The following USP43 variants were observed in gnomAD, a reference collection of about 807,000 sequenced individuals.
USP43 encodes ubiquitin specific peptidase 43.
USP43 carries 33 observed loss-of-function variants against 90.7 expected under a neutral mutation model. That is an observed-to-expected ratio of 0.36 (90% CI 0.28 to 0.49). USP43 has a LOEUF of 0.49. USP43 is among the 20% of genes least tolerant of loss of function. The pLI is 0.98. For missense variants in USP43, 1,274 were observed against 1,476.4 expected (o/e 0.86, Z 2.25); for synonymous variants, 598 against 615.8 (o/e 0.97, Z 0.43).
intron 3 of USP43, chr17:9,669,608 G>A (rs1913264144): frequency 1.3e-5 from 2 of 152,248 alleles, no homozygotes; most frequent in Admixed American, 6.5e-5. Flanking sequence ...TAATGTACAA[G>A]TAAACAACAA....
rs767511913 is a variant in USP43, at chr17:9,674,643, G to A, written c.741-248G>A. The stretch of plus-strand genomic sequence containing the variant: ...CTGAGTTGTACTCTACTATGTGGAC[G>A]TATCATATTCTGTTTACCCATTTGT... On this transcript the variant is annotated intron_variant, in intron 3 of 14. Transcript: ENST00000285199. This position sits in a 1 kb window ranked among gnomAD's most constrained non-coding sequence, Gnocchi z 4.4. Among the ~76,000 whole-genome samples, 1 of 152,186 alleles carries A rather than the reference G, an allele frequency of 6.6e-6. No homozygotes were observed. Among genetic ancestry groups the A allele is most frequent in the Admixed American group, 6.5e-5 (1 of 15,274 alleles).
At position 9,728,795 on chromosome 17, in the gene USP43, C is replaced by T. The variant is rs756116704; in HGVS notation, c.3177C>T (p.Leu1059=). The part of the protein sequence containing the change: ...EGLARGLGSR[L]ERDVWSAPSS... The stretch of plus-strand genomic sequence containing the variant: ...TGGCCAGGGGCCTGGGCAGCCGGCT[C>T]GAGAGGGATGTCTGGTCAGCCCCCA... Residue 1059 remains leucine (L), a synonymous_variant, in exon 15 of 15, where the codon CTC becomes CTT. Coordinates refer to ENST00000285199, the MANE Select transcript of USP43 (RefSeq NM_153210.5). The surrounding 1 kb of genome is among the most constrained non-coding windows in gnomAD (Gnocchi z 6.2). 79 of 1,611,040 alleles carry T rather than the reference C, an allele frequency of 4.9e-5. No individual in the cohort carries two copies. In the South Asian group the frequency reaches 6.1e-4, roughly 12 times the overall value.
intron 13 of USP43, among the ~76,000 whole-genome samples, chr17:9,710,666 C>A (rs1388156259): frequency 6.6e-6 from 1 of 151,924 alleles, no homozygotes; most frequent in Admixed American, 6.6e-5. Context: ...CACCACCATG[C>A]CCAGCTAATT....
At chr17:9,680,655 GC>G (rs1914105553) in intron 6 of USP43, among the ~76,000 whole-genome samples, 1 of 152,064 alleles carries the variant, frequency 6.6e-6, no homozygotes. Flanking sequence ...CTGGGGTGGG[GC>G]CTAAGAGTTT....
At chr17:9,677,345 G>C (rs953927086) in intron 5 of USP43, among the ~76,000 whole-genome samples, 2 of 152,172 alleles carry the variant, frequency 1.3e-5, no homozygotes, top group African/African-American at 4.8e-5. Flanking sequence ...GGATTTCGAT[G>C]GTTTGACTTC....
chr17:9,728,035 A>C lies in USP43; in HGVS notation c.2417A>C (p.Lys806Thr), dbSNP rs1917363656. 6.2e-7 allele frequency: 1 copy of C among 1,613,748 alleles called. No individual in the cohort carries two copies. The change falls in exon 15 of 15, where the codon AAG becomes ACG. Residue 806 changes from lysine (K) to threonine (T), a missense_variant. Around this residue, in one of 6 missense-constraint regions of USP43, gnomAD observed 285 missense variants for 349.6 expected, o/e 0.82. Coordinates refer to ENST00000285199, the MANE Select transcript of USP43 (RefSeq NM_153210.5). This position sits in a 1 kb window ranked among gnomAD's most constrained non-coding sequence, Gnocchi z 6.2. ...AAGGCACCCACCACTTCCCGAGCCAAGCAGGGACCATTCAAGACCATGCCT... is the reference window on the plus strand; with the variant it reads ...AAGGCACCCACCACTTCCCGAGCCACGCAGGGACCATTCAAGACCATGCCT... ...SMKAPTTSRA[K>T]QGPFKTMPLR...
intron 3 of USP43, among the ~76,000 whole-genome samples, chr17:9,673,833 C>T (rs748521049): frequency 9.2e-5 from 14 of 152,140 alleles, no homozygotes; most frequent in African/African-American, 1.7e-4. Context: ...GCTAAGTGCT[C>T]AGAATTATGC....
At chr17:9,677,146 C>T (rs1220318896) in intron 5 of USP43, among the ~76,000 whole-genome samples, 4 of 152,186 alleles carry the variant, frequency 2.6e-5, no homozygotes, top group Non-Finnish European at 5.9e-5. Flanking sequence ...AATAGCTACC[C>T]CTAGGTAGTG....
chr17:9,656,268 AC>A, intron 1 of USP43, 134 bp from the exon 2 acceptor site: 1 of 1,196,016 alleles, frequency 8.4e-7, no homozygotes, highest in Non-Finnish European at 1.2e-6. Flanking sequence ...GAACATTTCT[AC>A]CCCGGCTGTT....
intron 5 of USP43, among the ~76,000 whole-genome samples, 162 bp downstream of exon 5, chr17:9,677,043 T>A (rs1467813715): frequency 6.6e-6 from 1 of 152,182 alleles, no homozygotes; most frequent in Non-Finnish European, 1.5e-5. Context: ...TGACTGGGCC[T>A]TGACTTTTCC....
intron 2 of USP43, among the ~76,000 whole-genome samples, chr17:9,664,168 T>C (rs1912843976): frequency 6.6e-6 from 1 of 152,218 alleles, no homozygotes; most frequent in South Asian, 2.1e-4. Flanking sequence ...TTCAAACATA[T>C]GGAAAAGTTG....
Position 9,701,078 on chromosome 17 carries a change from G to A in USP43, c.1536-41G>A. On this transcript the variant is annotated intron_variant, in intron 10 of 14. Transcript: ENST00000285199. This position sits in a 1 kb window ranked among gnomAD's most constrained non-coding sequence, Gnocchi z 7.2. ...AGACATAGACGAAACCTGTCTGGGA[G>A]CAGGAAAGTCCTGAACGCCGTGGGT... The A allele has an allele frequency of 6.9e-7, 1 of 1,440,840 alleles. No individual in the cohort carries two copies. The highest frequency in any genetic ancestry group is 2.5e-5 in the East Asian group (1 of 39,620). The allele number at this position is 1,440,840 out of a possible 1,614,324, so 89.3% of individuals were successfully genotyped here.
chr17:9,729,153 C>A lies in USP43; in HGVS notation c.*163C>A. The A allele has an allele frequency of 1.8e-6, 1 of 562,704 alleles. No individual in the cohort carries two copies. The highest frequency in any genetic ancestry group is 2.8e-6 in the Non-Finnish European group (1 of 358,292). 34.9% of individuals were successfully genotyped at this position (562,704 alleles called of 1,614,324 possible). Reference sequence around the variant, plus strand: ...TGGGGGGTCTCCATATCTAGACTTCCAACACCCAAGGTCCATATAACCCAA... The same window carrying A: ...TGGGGGGTCTCCATATCTAGACTTCAAACACCCAAGGTCCATATAACCCAA... On this transcript the variant is annotated 3_prime_UTR_variant, in exon 15 of 15. Coordinates refer to ENST00000285199, the MANE Select transcript of USP43 (RefSeq NM_153210.5).
chr17:9,703,072 A>G (rs1032101796), intron 12 of USP43, among the ~76,000 whole-genome samples: 1 of 152,134 alleles, frequency 6.6e-6, no homozygotes, highest in Non-Finnish European at 1.5e-5. Flanking sequence ...TGCTGGGACC[A>G]TTCTGTCCAG....
At chr17:9,648,597 C>T (rs188381902) in intron 1 of USP43, among the ~76,000 whole-genome samples, 90 of 152,232 alleles carry the variant, frequency 5.9e-4, no homozygotes, top group Non-Finnish European at 1.0e-3. Flanking sequence ...GAAAGCTTCC[C>T]TGGAGAGGTA....
chr17:9,693,407 T>C (rs554831343), intron 9 of USP43, among the ~76,000 whole-genome samples, 177 bp downstream of exon 9: 128 of 140,764 alleles, frequency 9.1e-4, no homozygotes, highest in Middle Eastern at 3.6e-3. Context: ...TGAACCCGTA[T>C]GTCTGGAGAG....
chr17:9,664,543 A>G (rs940692978), intron 2 of USP43, among the ~76,000 whole-genome samples: 6 of 152,164 alleles, frequency 3.9e-5, no homozygotes, highest in Admixed American at 2.6e-4. Context: ...AAATGTTAGG[A>G]AAAATTGTCT....
intron 6 of USP43, among the ~76,000 whole-genome samples, chr17:9,682,185 A>G (rs1054478035): frequency 1.3e-5 from 2 of 152,228 alleles, no homozygotes; most frequent in African/African-American, 4.8e-5. Context: ...GGACTCTGTA[A>G]TGAAGTCATA....
chr17:9,716,571 G>A (rs1420368926), intron 14 of USP43, among the ~76,000 whole-genome samples: 1 of 152,180 alleles, frequency 6.6e-6, no homozygotes, highest in Admixed American at 6.6e-5. Context: ...AAACACAGGG[G>A]TTTGAAGAAG....
Sources: allele counts gnomAD v4.1 joint callset (sites outside exome capture counted in the v4.1 genomes callset), GRCh38; gene constraint gnomAD v4.1.1; regional missense constraint gnomAD v4.1.1; non-coding constraint Gnocchi (gnomAD v3.1); transcripts MANE v1.5; gene names NCBI Gene and HGNC (gene_info 2026-07-23, HGNC 2026-07-21).